Variants in MARCHF1 observed in about 807,000 individuals in gnomAD.
The protein encoded by MARCHF1 is E3 ubiquitin-protein ligase MARCHF1.
In MARCHF1, 40 loss-of-function variants were observed where a neutral mutation model predicts 54.2. That is an observed-to-expected ratio of 0.74 (90% CI 0.57 to 0.96). The LOEUF (loss-of-function observed/expected upper bound fraction) is 0.96, where lower values mean the gene tolerates loss of function less well. Among genes scored for constraint, MARCHF1 ranks in the 40% least tolerant of loss-of-function variants. The probability of loss-of-function intolerance (pLI) is 0.00; values close to 1 mark genes in which losing one functional copy is unlikely to be tolerated. For missense variants in MARCHF1, 586 were observed against 656.5 expected (o/e 0.89, Z 1.17); for synonymous variants, 236 against 236.3 (o/e 1.00, Z 0.01).
At chr4:163,708,669 CAT>C (rs1561031011) in intron 4 of MARCHF1, among the ~76,000 whole-genome samples, 1 of 152,030 alleles carries the variant, frequency 6.6e-6, no homozygotes, top group Non-Finnish European at 1.5e-5. Context: ...TATGCATGCA[CAT>C]GTTTGTGTAT....
intron 1 of MARCHF1, among the ~76,000 whole-genome samples, chr4:164,296,588 T>A (rs1746606392): frequency 6.6e-6 from 1 of 152,068 alleles, no homozygotes; most frequent in South Asian, 2.1e-4. Flanking sequence ...CAGGCTGGTC[T>A]TGAACTCCTG....
chr4:164,013,068 C>T (rs942485113), intron 2 of MARCHF1, among the ~76,000 whole-genome samples: 1 of 152,090 alleles, frequency 6.6e-6, no homozygotes, highest in Non-Finnish European at 1.5e-5. Context: ...GCAACCAATA[C>T]TGAAGTGATG....
At chr4:164,202,089 A>G (rs1731471141) in intron 1 of MARCHF1, among the ~76,000 whole-genome samples, 1 of 152,236 alleles carries the variant, frequency 6.6e-6, no homozygotes, top group African/African-American at 2.4e-5. Flanking sequence ...GAAGAAAAAC[A>G]TGCAAAACAT....
intron 2 of MARCHF1, among the ~76,000 whole-genome samples, chr4:163,992,536 T>TA (rs1315422199): frequency 1.3e-5 from 2 of 151,822 alleles, no homozygotes; most frequent in African/African-American, 4.8e-5. Context: ...GGTGATTAAA[T>TA]CATTTCAAGG....
intron 4 of MARCHF1, among the ~76,000 whole-genome samples, chr4:163,787,993 T>C (rs78624067): frequency 0.022 from 3,369 of 152,066 alleles, 97 homozygotes; most frequent in African/African-American, 0.076. Context: ...ACAAATATTG[T>C]ATACTTTGAC....
intron 7 of MARCHF1, among the ~76,000 whole-genome samples, chr4:163,609,977 G>A (rs1233055218): frequency 1.3e-5 from 2 of 151,978 alleles, no homozygotes; most frequent in Non-Finnish European, 2.9e-5. Flanking sequence ...TTCCAACCTA[G>A]TCATATAAGT....
intron 4 of MARCHF1, among the ~76,000 whole-genome samples, chr4:163,831,498 G>A (rs1749024090): frequency 6.6e-6 from 1 of 152,146 alleles, no homozygotes; most frequent in African/African-American, 2.4e-5. Context: ...GTCTGAGGTG[G>A]GGGGATTGCT....
At chr4:164,190,257 C>A in intron 1 of MARCHF1, 1 of 1,109,244 alleles carries the variant, frequency 9.0e-7, no homozygotes, top group Non-Finnish European at 1.3e-6. Flanking sequence ...AATTGTTCAG[C>A]CACTTATCAG....
intron 4 of MARCHF1, among the ~76,000 whole-genome samples, chr4:163,750,115 C>T (rs1013071533): frequency 6.6e-6 from 1 of 151,548 alleles, no homozygotes; most frequent in Middle Eastern, 3.4e-3. Flanking sequence ...TCTTCTTGTC[C>T]ATCACTCCTC....
At chr4:164,313,394 G>A (rs2111436580) in intron 1 of MARCHF1, among the ~76,000 whole-genome samples, 1 of 147,438 alleles carries the variant, frequency 6.8e-6, no homozygotes, top group South Asian at 2.2e-4. Flanking sequence ...ATCCTCTTCG[G>A]ATCATCTGAC....
At chr4:163,574,088 T>C (rs1480434738) in intron 8 of MARCHF1, among the ~76,000 whole-genome samples, 1 of 152,176 alleles carries the variant, frequency 6.6e-6, no homozygotes. Context: ...TTTTCATGTG[T>C]TTTTTGGCTG....
At chr4:163,858,220 C>T (rs551561099) in intron 3 of MARCHF1, among the ~76,000 whole-genome samples, 2 of 152,076 alleles carry the variant, frequency 1.3e-5, no homozygotes, top group Non-Finnish European at 2.9e-5. Context: ...ACCTGGCAGC[C>T]CTGCTGGGCT....
chr4:163,641,673 C>T (rs1742560543), intron 5 of MARCHF1, among the ~76,000 whole-genome samples: 1 of 152,154 alleles, frequency 6.6e-6, no homozygotes, highest in African/African-American at 2.4e-5. Flanking sequence ...GAGCACAAAT[C>T]TGATGCATAT....
chr4:164,123,741 T>G (rs1437596819), intron 1 of MARCHF1, among the ~76,000 whole-genome samples: 1 of 152,158 alleles, frequency 6.6e-6, no homozygotes, highest in African/African-American at 2.4e-5. Flanking sequence ...AAACTGGATA[T>G]TCATATGCAG....
At chr4:164,346,117 A>AT (rs1269347115) in intron 1 of MARCHF1, among the ~76,000 whole-genome samples, 13 of 152,186 alleles carry the variant, frequency 8.5e-5, no homozygotes, top group Non-Finnish European at 1.8e-4. Flanking sequence ...TTATGACCAC[A>AT]TTATTTCTTT....
chr4:163,650,196 T>C (rs1179086038), intron 5 of MARCHF1, among the ~76,000 whole-genome samples: 1 of 151,988 alleles, frequency 6.6e-6, no homozygotes, highest in African/African-American at 2.4e-5. Context: ...TGGAAATCTC[T>C]ATAACTAAAC....
At chr4:164,062,409 C>T (rs1327839262) in intron 2 of MARCHF1, among the ~76,000 whole-genome samples, 1 of 151,968 alleles carries the variant, frequency 6.6e-6, no homozygotes, top group Non-Finnish European at 1.5e-5. Context: ...TTCTTCGTGG[C>T]ATCTAGAATG....
At chr4:164,088,483 G>T (rs1755235161) in intron 2 of MARCHF1, among the ~76,000 whole-genome samples, 1 of 152,140 alleles carries the variant, frequency 6.6e-6, no homozygotes, top group Non-Finnish European at 1.5e-5. Context: ...CACACCTGTA[G>T]TCCTAGTGCT....
intron 2 of MARCHF1, among the ~76,000 whole-genome samples, chr4:164,036,056 T>C (rs1474617189): frequency 1.1e-4 from 16 of 149,138 alleles, no homozygotes; most frequent in African/African-American, 3.5e-4. Context: ...TGAGCCAAGA[T>C]TGTGCCACTG....
Sources: allele counts gnomAD v4.1 joint callset (sites outside exome capture counted in the v4.1 genomes callset), GRCh38; gene constraint gnomAD v4.1.1; transcripts MANE v1.5; gene names NCBI Gene and HGNC (gene_info 2026-07-23, HGNC 2026-07-21).